CELSR1: variants seen among roughly 807,000 people sequenced by gnomAD.
The protein encoded by CELSR1 is cadherin EGF LAG seven-pass G-type receptor 1, also known as adhesion G protein-coupled receptor C1.
Under a neutral mutation model 249.1 loss-of-function variants are expected in CELSR1, and 110 were observed. That is an observed-to-expected ratio of 0.44 (90% CI 0.38 to 0.52). The LOEUF (loss-of-function observed/expected upper bound fraction) is 0.52. Among genes scored for constraint, CELSR1 ranks in the 20% least tolerant of loss-of-function variants. CELSR1 has a pLI of 0.00. For missense variants in CELSR1, 4,109 were observed against 4,296.4 expected (o/e 0.96, Z 1.22); for synonymous variants, 2,113 against 1,900.0 (o/e 1.11, Z -2.92).
At chr22:46,377,562 C>T (rs375119573) in intron 23 of CELSR1, 14 of 425,840 alleles carry the variant, frequency 3.3e-5, no homozygotes, top group African/African-American at 2.2e-4. Context: ...ATGGGAGCCT[C>T]GGACTCTCAC....
chr22:46,364,051 C>T lies in CELSR1; in HGVS notation c.8980G>A (p.Gly2994Arg), dbSNP rs759284230. Reference sequence around the variant, plus strand: ...CCAGTGCGCACATTCATGGCCACCCCGTTGAGGTGGTCACGCCCCGGCTCC... The same window carrying T: ...CCAGTGCGCACATTCATGGCCACCCTGTTGAGGTGGTCACGCCCCGGCTCC... ...GREPGRDHLNGVAMNVRTGSA... is the reference protein window; with the variant it reads ...GREPGRDHLNRVAMNVRTGSA... Residue 2994 changes from glycine to arginine, a missense_variant, in exon 34 of 35, where the codon GGG (glycine) becomes AGG (arginine). Transcript: ENST00000674500. 36 of 1,612,062 alleles carry T rather than the reference C, an allele frequency of 2.2e-5. No individual in the cohort carries two copies. In the East Asian group the frequency reaches 3.8e-4, roughly 17 times the overall value.
chr22:46,424,271 T>G (rs1281159413), intron 5 of CELSR1, among the ~76,000 whole-genome samples: 1 of 151,668 alleles, frequency 6.6e-6, no homozygotes, highest in East Asian at 1.9e-4. Context: ...AAGAGATGTA[T>G]TCTCCCTATG....
chr22:46,460,211 A>ACCCACC (rs200173937), intron 2 of CELSR1, among the ~76,000 whole-genome samples: 5 of 148,866 alleles, frequency 3.4e-5, no homozygotes, highest in African/African-American at 1.0e-4. Flanking sequence ...ACACACACAC[A>ACCCACC]CACACCCATT....
chr22:46,366,526 C>A, intron 29 of CELSR1, 46 bp from the exon 30 acceptor site: 1 of 1,389,534 alleles, frequency 7.2e-7, no homozygotes, highest in Non-Finnish European at 1.0e-6. Context: ...GTGGCCACCA[C>A]ATGACCACCA....
rs1314653522 is a variant in CELSR1 at position 46,361,469 on chromosome 22, G to A, written c.*1754C>T. On this transcript the variant is annotated 3_prime_UTR_variant, in exon 35 of 35. Coordinates refer to ENST00000674500, the MANE Select transcript of CELSR1 (RefSeq NM_001378328.1). ...GGGGGCAGAATCCTGTTAAAGTCAT[G>A]AAAGGAGACTGTTCGAAGACTTAAA... The A allele has an allele frequency of 6.6e-6, 1 of 152,358 alleles. No homozygotes were observed. The highest frequency in any genetic ancestry group is 1.9e-4 in the East Asian group (1 of 5,206). The allele number at this position is 152,358 out of a possible 1,614,324, so 9.4% of individuals were successfully genotyped here.
rs2080152945 is a variant in CELSR1 at position 46,471,297 on chromosome 22, A to T, written c.3545-6952T>A. On this transcript the variant is annotated intron_variant, in intron 1 of 34. Transcript: ENST00000674500. The surrounding 1 kb of genome is among the most constrained non-coding windows in gnomAD (Gnocchi z 4.9). ...AAACTTAATTTTGAAACAGTTTTAG[A>T]TTTACAAAAAAATTACTAATACAGC... Among the ~76,000 whole-genome samples, 1 of 152,156 alleles carries T rather than the reference A, an allele frequency of 6.6e-6. No homozygotes were observed. The highest frequency in any genetic ancestry group is 2.4e-5 in the African/African-American group (1 of 41,440).
intron 2 of CELSR1, among the ~76,000 whole-genome samples, chr22:46,463,463 C>T (rs1401290898): frequency 6.6e-6 from 1 of 150,490 alleles, no homozygotes; most frequent in African/African-American, 2.5e-5. Context: ...TTGTAGTGAG[C>T]GAAGATTACG....
In CELSR1 at chr22:46,367,853, G is replaced by T. The variant is rs141654308; in HGVS notation, c.7955C>A (p.Ser2652Tyr). Residue 2652 changes from serine (S) to tyrosine (Y), a missense_variant and splice_region_variant, in exon 28 of 35, where the codon TCC (serine) becomes TAC (tyrosine). By Grantham distance (144) the Ser-to-Tyr change is moderately radical (BLOSUM62 -2). Around this residue, in one of 7 missense-constraint regions of CELSR1, gnomAD observed 1,805 missense variants for 1,831.6 expected, o/e 0.99. Transcript: ENST00000674500. ...CAGGAGGAATGCGGTCCTCAGCAGG[G>T]AGCTGCGGGAGGGCAGGATCAGGCC... ...HHYYGKKGIV[S>Y]LLRTAFLLLL... 3.6e-4 allele frequency: 574 copies of T among 1,609,182 alleles called. 3 individuals are homozygous for T. Among genetic ancestry groups the T allele is most frequent in the Non-Finnish European group, 7.6e-5 (90 of 1,179,262 alleles).
rs1031273846 is a variant in CELSR1, at chr22:46,440,962, G to A, written c.4184-1551C>T. On this transcript the variant is annotated intron_variant, in intron 2 of 34. Transcript: ENST00000674500. This position sits in a 1 kb window ranked among gnomAD's most constrained non-coding sequence, Gnocchi z 4.7. ...GAGGCCAGGAGTTGAAGACCAGCCT[G>A]GCCAACATGGTGAAACCCCGTCTCT... Among the ~76,000 whole-genome samples the A allele has an allele frequency of 2.9e-4, 44 of 152,126 alleles. No individual in the cohort carries two copies. The highest frequency in any genetic ancestry group is 1.0e-3 in the African/African-American group (43 of 41,510).
At position 46,447,867 on chromosome 22, in the gene CELSR1, G is replaced by A. The variant is rs1226870082; in HGVS notation, c.4184-8456C>T. Among the ~76,000 whole-genome samples the A allele has an allele frequency of 1.3e-5, 2 of 152,156 alleles. No individual in the cohort carries two copies. The highest frequency in any genetic ancestry group is 1.3e-4 in the Admixed American group (2 of 15,286). ...ACTCCTGACCTCAGGTGATCTGCTC[G>A]CCTTAGCCTCCCAAAGTGCTGGGAT... On this transcript the variant is annotated intron_variant, in intron 2 of 34. Coordinates refer to ENST00000674500, the MANE Select transcript of CELSR1 (RefSeq NM_001378328.1). This position sits in a 1 kb window ranked among gnomAD's most constrained non-coding sequence, Gnocchi z 4.7.
At chr22:46,431,314 G>A (rs1489568763) in intron 5 of CELSR1, among the ~76,000 whole-genome samples, 1 of 152,198 alleles carries the variant, frequency 6.6e-6, no homozygotes, top group African/African-American at 2.4e-5. Context: ...GTGGCGTCCT[G>A]GCTGCGAGTC....
At chr22:46,459,791 T>C (rs2079999606) in intron 2 of CELSR1, among the ~76,000 whole-genome samples, 1 of 152,216 alleles carries the variant, frequency 6.6e-6, no homozygotes, top group Non-Finnish European at 1.5e-5. Flanking sequence ...TGATGTCTTG[T>C]ACCTCAGTTT....
chr22:46,514,773 G>A (rs1245008906), intron 1 of CELSR1, among the ~76,000 whole-genome samples: 2 of 152,104 alleles, frequency 1.3e-5, no homozygotes, highest in Non-Finnish European at 2.9e-5. Flanking sequence ...GCCCTGTCCT[G>A]CCTCGCTGAG....
chr22:46,515,176 C>T (rs910203278), intron 1 of CELSR1, among the ~76,000 whole-genome samples: 1 of 152,188 alleles, frequency 6.6e-6, no homozygotes, highest in African/African-American at 2.4e-5. Context: ...GGAGCCATTC[C>T]ACCCGTGCAT....
chr22:46,393,713 G>A lies in CELSR1; in HGVS notation c.5964+429C>T, dbSNP rs1242340681. 1.3e-5 allele frequency among the ~76,000 whole-genome samples: 2 copies of A among 151,512 alleles called. No homozygotes were observed. Among genetic ancestry groups the A allele is most frequent in the African/African-American group, 4.9e-5 (2 of 41,212 alleles). The stretch of plus-strand genomic sequence containing the variant: ...AGATCGCACCACTGCACTCCAGCCT[G>A]GGCGACACAGCGAGACTCTGTCTCA... On this transcript the variant is annotated intron_variant, in intron 14 of 34. Coordinates refer to ENST00000674500, the MANE Select transcript of CELSR1 (RefSeq NM_001378328.1). This position sits in a 1 kb window ranked among gnomAD's most constrained non-coding sequence, Gnocchi z 4.1.
rs1417553337 is a variant in CELSR1, at chr22:46,399,812, C to A, written c.5317G>T (p.Glu1773Ter). 6.2e-7 allele frequency: 1 copy of A among 1,614,168 alleles called. No individual in the cohort carries two copies. Among genetic ancestry groups the A allele is most frequent in the Non-Finnish European group, 8.5e-7 (1 of 1,180,000 alleles). Reference protein sequence around the residue: ...MLSGLRVTDGEWHHLLIELKN... With the variant: ...MLSGLRVTDG ...AGCTCGATCAGCAGGTGGTGCCACT[C>A]CCCGTCGGTCACCCGCAACCCGGAC... is the stretch of plus-strand genomic sequence containing the variant. Residue 1773 changes from glutamate to a stop codon, truncating the protein, a stop_gained, in exon 10 of 35, where the codon GAG becomes TAG. Transcript: ENST00000674500. LOFTEE classifies it high-confidence loss of function. The surrounding 1 kb of genome is among the most constrained non-coding windows in gnomAD (Gnocchi z 5.0).
rs1403163211 is a variant in CELSR1 at position 46,390,954 on chromosome 22, C to T, written c.6250+232G>A. Among the ~76,000 whole-genome samples, 4 of 152,212 alleles carry T rather than the reference C, an allele frequency of 2.6e-5. No individual in the cohort carries two copies. Among genetic ancestry groups the T allele is most frequent in the Non-Finnish European group, 4.4e-5 (3 of 68,042 alleles). On this transcript the variant is annotated intron_variant, in intron 16 of 34. Transcript: ENST00000674500. The surrounding 1 kb of genome is among the most constrained non-coding windows in gnomAD (Gnocchi z 6.3). ...CCTGAGCGGCAGAGCAGGGACTGGC[C>T]GGGCCTGACTGGCGGGCGTCCCCAC...
At chr22:46,376,586 G>C (rs995994218) in intron 24 of CELSR1, among the ~76,000 whole-genome samples, 1 of 152,070 alleles carries the variant, frequency 6.6e-6, no homozygotes, top group African/African-American at 2.4e-5. Flanking sequence ...TGTTGGCAAG[G>C]CTGGTCTTCC....
chr22:46,535,304 C>A lies in CELSR1; in HGVS notation c.1867G>T (p.Ala623Ser), dbSNP rs777684097. 6.2e-7 allele frequency: 1 copy of A among 1,611,614 alleles called. No individual in the cohort carries two copies. Among genetic ancestry groups the A allele is most frequent in the Non-Finnish European group, 8.5e-7 (1 of 1,179,992 alleles). The change falls in exon 1 of 35, where the codon GCC (alanine) becomes TCC (serine). Residue 623 changes from alanine (A) to serine (S), a missense_variant. Around this residue, in one of 7 missense-constraint regions of CELSR1, gnomAD observed 886 missense variants for 896.5 expected, o/e 0.99. Coordinates refer to ENST00000674500, the MANE Select transcript of CELSR1 (RefSeq NM_001378328.1). ...GGGSAGPKNP[A>S]PTPDFPFQIH... ...TGGAAGGGGAAGTCAGGGGTGGGGG[C>A]AGGATTCTTAGGCCCAGCGCTGCCG...
Sources: allele counts gnomAD v4.1 joint callset (sites outside exome capture counted in the v4.1 genomes callset), GRCh38; gene constraint gnomAD v4.1.1; regional missense constraint gnomAD v4.1.1; non-coding constraint Gnocchi (gnomAD v3.1); transcripts MANE v1.5; gene names NCBI Gene and HGNC (gene_info 2026-07-23, HGNC 2026-07-21).